KCNMB4: variants seen among roughly 807,000 people sequenced by gnomAD.
KCNMB4 encodes calcium-activated potassium channel subunit beta-4.
KCNMB4 carries 3 observed loss-of-function variants against 20.7 expected under a neutral mutation model. That is an observed-to-expected ratio of 0.14 (90% CI 0.07 to 0.37). The LOEUF (loss-of-function observed/expected upper bound fraction) is 0.37, where lower values mean the gene tolerates loss of function less well. Ranked by LOEUF, KCNMB4 falls within the 10% of genes least tolerant of loss-of-function variation. The probability of loss-of-function intolerance (pLI) is 1.00; values close to 1 mark genes in which losing one functional copy is unlikely to be tolerated. For synonymous variants in KCNMB4, 110 were observed against 113.4 expected, an observed-to-expected ratio of 0.97 and a Z score of 0.19; for missense variants, 168 against 265.9, an observed-to-expected ratio of 0.63 and a Z score of 2.56.
rs143438807 is a variant in KCNMB4, at chr12:70,429,718, T to C, written c.465-767T>C. The stretch of plus-strand genomic sequence containing the variant: ...TTAGATTTCCAGGATCTCTTTCTAA[T>C]GGCCGAAGATTAGAGATCATGGCTT... On this transcript the variant is annotated intron_variant, in intron 2 of 2. Transcript: ENST00000258111. 2.3e-3 allele frequency among the ~76,000 whole-genome samples: 342 copies of C among 151,530 alleles called. 1 individual carries two copies. Among genetic ancestry groups the C allele is most frequent in the African/African-American group, 7.9e-3 (326 of 41,364 alleles).
intron 1 of KCNMB4, among the ~76,000 whole-genome samples, chr12:70,368,395 T>C (rs1054621805): frequency 6.6e-6 from 1 of 151,920 alleles, no homozygotes; most frequent in Non-Finnish European, 1.5e-5. Context: ...AAAATGCTCC[T>C]GTCGACAAAT....
intron 1 of KCNMB4, among the ~76,000 whole-genome samples, chr12:70,368,564 AAAG>A (rs554637130): frequency 1.1e-4 from 16 of 152,276 alleles, no homozygotes; most frequent in African/African-American, 3.9e-4. Flanking sequence ...AGGAATTTAA[AAAG>A]AAATCTCAGG....
At chr12:70,384,062 C>A (rs79321121) in intron 1 of KCNMB4, among the ~76,000 whole-genome samples, 13,258 of 152,106 alleles carry the variant, frequency 0.087, 670 homozygotes, top group Admixed American at 0.16. Flanking sequence ...GAGCAAGATT[C>A]CATCTCAAAA....
intron 1 of KCNMB4, among the ~76,000 whole-genome samples, chr12:70,392,003 T>C (rs1222588662): frequency 6.6e-6 from 1 of 152,188 alleles, no homozygotes; most frequent in Non-Finnish European, 1.5e-5. Context: ...TTTTTTATCA[T>C]CACCATACTG....
chr12:70,431,991 T>C lies in KCNMB4; in HGVS notation c.*1338T>C, dbSNP rs1452167392. The C allele has an allele frequency of 4.6e-5, 7 of 152,120 alleles. No individual in the cohort carries two copies. Among genetic ancestry groups the C allele is most frequent in the Non-Finnish European group, 1.0e-4 (7 of 68,046 alleles). The allele number at this position is 152,120 out of a possible 1,614,324, so 9.4% of individuals were successfully genotyped here. On this transcript the variant is annotated 3_prime_UTR_variant, in exon 3 of 3. Coordinates refer to ENST00000258111, the MANE Select transcript of KCNMB4 (RefSeq NM_014505.6). ...TAATATGTATATATGGAGTGATGGT[T>C]TCCTGACCTTTAGTCCACATACCAA... is the stretch of plus-strand genomic sequence containing the variant.
chr12:70,400,242 C>G lies in KCNMB4; in HGVS notation c.370C>G (p.Gln124Glu), dbSNP rs905855814. 1 of 1,611,578 alleles carries G rather than the reference C, an allele frequency of 6.2e-7. No individual in the cohort carries two copies. The highest frequency in any genetic ancestry group is 1.3e-5 in the African/African-American group (1 of 74,968). ...TATCCCTCCCTGTAAGAGAGAAAAT[C>G]AGAAGAATTTGGAAAGTGTCATGAA... ...SYIPPCKRENQKNLESVMNWQ... is the reference protein window; with the variant it reads ...SYIPPCKRENEKNLESVMNWQ... The change falls in exon 2 of 3, where the codon CAG (glutamine) becomes GAG (glutamate). Residue 124 changes from glutamine to glutamate, a missense_variant. Gln to Glu is a conservative substitution (Grantham distance 29). Coordinates refer to ENST00000258111, the MANE Select transcript of KCNMB4 (RefSeq NM_014505.6).
At chr12:70,393,767 C>T (rs1044842316) in intron 1 of KCNMB4, among the ~76,000 whole-genome samples, 1 of 152,116 alleles carries the variant, frequency 6.6e-6, no homozygotes, top group Non-Finnish European at 1.5e-5. Context: ...GAGAGAGGAA[C>T]AATTCTTCAG....
chr12:70,367,731 C>T (rs912003437), intron 1 of KCNMB4, among the ~76,000 whole-genome samples: 4 of 151,986 alleles, frequency 2.6e-5, no homozygotes, highest in African/African-American at 9.7e-5. Context: ...CCTAGTTACC[C>T]TTTGTGTTTA....
At chr12:70,411,038 A>G (rs576516022) in intron 2 of KCNMB4, among the ~76,000 whole-genome samples, 1 of 152,344 alleles carries the variant, frequency 6.6e-6, no homozygotes, top group African/African-American at 2.4e-5. Flanking sequence ...GATGAAAAGC[A>G]ACTGATTAGA....
intron 1 of KCNMB4, among the ~76,000 whole-genome samples, chr12:70,384,894 A>AAAG (rs1883861551): frequency 8.6e-5 from 13 of 150,496 alleles, no homozygotes; most frequent in African/African-American, 2.9e-4. Flanking sequence ...AAAAAAAAAA[A>AAAG]AAGAAGAAAA....
At chr12:70,383,522 C>T (rs1183172881) in intron 1 of KCNMB4, among the ~76,000 whole-genome samples, 1 of 152,116 alleles carries the variant, frequency 6.6e-6, no homozygotes, top group East Asian at 1.9e-4. Flanking sequence ...GTACTACAAA[C>T]GAGGTTGCTT....
chr12:70,421,086 G>C (rs1869041195), intron 2 of KCNMB4, among the ~76,000 whole-genome samples: 1 of 151,554 alleles, frequency 6.6e-6, no homozygotes, highest in Non-Finnish European at 1.5e-5. Context: ...AATTTTAAAA[G>C]GTTCTGGTTC....
chr12:70,385,082 G>A (rs188948379), intron 1 of KCNMB4, among the ~76,000 whole-genome samples: 75 of 152,108 alleles, frequency 4.9e-4, no homozygotes, highest in African/African-American at 1.7e-3. Context: ...ATACATCTTG[G>A]TATTTGTATT....
At chr12:70,390,593 A>G (rs780025351) in intron 1 of KCNMB4, among the ~76,000 whole-genome samples, 2 of 152,216 alleles carry the variant, frequency 1.3e-5, no homozygotes, top group Non-Finnish European at 2.9e-5. Context: ...ATAGAGATGA[A>G]TTGAGACAGC....
In KCNMB4 at chr12:70,366,845, C is replaced by A; in HGVS notation, c.111C>A (p.Phe37Leu). Reference sequence around the variant, plus strand: ...TCGTGTCGCTCTTCATCTTCGGCTTCTGCTGGCTGAGTCCCGCGCTGCAGG... The same window carrying A: ...TCGTGTCGCTCTTCATCTTCGGCTTATGCTGGCTGAGTCCCGCGCTGCAGG... ...SGVVSLFIFG[F>L]CWLSPALQDL... Residue 37 changes from phenylalanine (F) to leucine (L), a missense_variant, in exon 1 of 3, where the codon TTC becomes TTA. Transcript: ENST00000258111. 3 of 1,613,116 alleles carry A rather than the reference C, an allele frequency of 1.9e-6. No individual in the cohort carries two copies. The highest frequency in any genetic ancestry group is 2.5e-6 in the Non-Finnish European group (3 of 1,179,918).
At chr12:70,382,258 C>G (rs570863643) in intron 1 of KCNMB4, among the ~76,000 whole-genome samples, 308 of 151,304 alleles carry the variant, frequency 2.0e-3, no homozygotes, top group Middle Eastern at 0.017. Context: ...ACGGTGAAAC[C>G]CTGTCTCTAC....
chr12:70,377,348 G>A (rs1401067325), intron 1 of KCNMB4, among the ~76,000 whole-genome samples: 5 of 152,096 alleles, frequency 3.3e-5, no homozygotes, highest in Non-Finnish European at 1.5e-5. Context: ...AAATTTTTTA[G>A]TTTCCCAGTA....
At chr12:70,417,482 T>C (rs769968111) in intron 2 of KCNMB4, among the ~76,000 whole-genome samples, 1 of 152,114 alleles carries the variant, frequency 6.6e-6, no homozygotes, top group Non-Finnish European at 1.5e-5. Flanking sequence ...CTGGGCTAGA[T>C]AGAGATCGAT....
chr12:70,395,905 A>G (rs546279060), intron 1 of KCNMB4, among the ~76,000 whole-genome samples: 7 of 152,206 alleles, frequency 4.6e-5, no homozygotes, highest in Admixed American at 1.3e-4. Flanking sequence ...AGGAAATGCT[A>G]TTGTCCTCCA....
Sources: gnomAD v4.1 joint callset for allele counts (sites outside exome capture counted in the v4.1 genomes callset) on GRCh38, gnomAD v4.1.1 for gene constraint, MANE v1.5 for transcripts, NCBI Gene and HGNC (gene_info 2026-07-23, HGNC 2026-07-21) for gene names.